The following RAB38 variants were observed in gnomAD, a reference collection of about 807,000 sequenced individuals.
RAB38 encodes the protein ras-related protein Rab-38.
A neutral mutation model predicts 18.4 loss-of-function variants in RAB38; 15 were observed. That is an observed-to-expected ratio of 0.82 (90% CI 0.55 to 1.26). The LOEUF is 1.26. Ranked by LOEUF, RAB38 falls within the 50% of genes most tolerant of loss-of-function variation. The probability of loss-of-function intolerance (pLI) is 0.00; values close to 1 mark genes in which losing one functional copy is unlikely to be tolerated. For synonymous variants in RAB38, 101 were observed against 104.4 expected (o/e 0.97, Z 0.20); for missense variants, 294 against 267.4 (o/e 1.10, Z -0.69).
chr11:88,031,817 C>A, the RAB38 span, among the ~76,000 whole-genome samples: 2 of 152,126 alleles, frequency 1.3e-5, no homozygotes, highest in Admixed American at 6.6e-5. Flanking sequence ...AGGTAATTTA[C>A]AGATTCAATA....
At position 88,156,499 on chromosome 11, in the gene RAB38, C is replaced by T. The variant is rs182980444; in HGVS notation, c.203-6544G>A. ...CAGGCGGATCATGAGGTCAGGAGTT[C>T]GAGACTAGCCTGGCCAACGTAATGA... is the stretch of plus-strand genomic sequence containing the variant. On this transcript the variant is annotated intron_variant, in intron 1 of 2. Transcript: ENST00000243662. 5.0e-3 allele frequency among the ~76,000 whole-genome samples: 765 copies of T among 152,186 alleles called. 3 individuals are homozygous for T. The highest frequency in any genetic ancestry group is 7.5e-3 in the Non-Finnish European group (507 of 67,996).
chr11:88,076,949 AC>A, the RAB38 span, among the ~76,000 whole-genome samples: 1 of 105,662 alleles, frequency 9.5e-6, no homozygotes, highest in Admixed American at 1.0e-4. Flanking sequence ...ACAGAGAGAG[AC>A]TCCATCAAAA....
intron 2 of RAB38, among the ~76,000 whole-genome samples, chr11:88,127,696 T>C (rs1942716943): frequency 6.6e-6 from 1 of 152,330 alleles, no homozygotes; most frequent in East Asian, 1.9e-4. Flanking sequence ...GATGATATAA[T>C]GCAAAGTTGG....
At chr11:87,812,978 T>C in the RAB38 span, among the ~76,000 whole-genome samples, 1 of 152,238 alleles carries the variant, frequency 6.6e-6, no homozygotes, top group South Asian at 2.1e-4. Context: ...GAATGAATAG[T>C]GTTATTTTAC....
At chr11:88,062,293 G>A in the RAB38 span, among the ~76,000 whole-genome samples, 4 of 152,064 alleles carry the variant, frequency 2.6e-5, no homozygotes, top group South Asian at 6.3e-4. Flanking sequence ...GTGTTTGACA[G>A]TTCCTCCTTC....
chr11:88,004,046 A>C, the RAB38 span, among the ~76,000 whole-genome samples: 1 of 141,404 alleles, frequency 7.1e-6, no homozygotes, highest in African/African-American at 2.6e-5. Context: ...TATATATGGG[A>C]GAAGGTATAT....
chr11:88,154,059 G>C (rs896340317), intron 1 of RAB38, among the ~76,000 whole-genome samples: 15 of 152,308 alleles, frequency 9.8e-5, no homozygotes, highest in African/African-American at 2.9e-4. Context: ...GAGAGGCAGA[G>C]AGCCTCCCTC....
the RAB38 span, among the ~76,000 whole-genome samples, chr11:87,898,326 C>T: frequency 2.7e-4 from 41 of 151,620 alleles, no homozygotes; most frequent in African/African-American, 9.4e-4. Context: ...CTGCACTCTA[C>T]TTTTTCCCTA....
chr11:88,090,714 G>C, the RAB38 span, among the ~76,000 whole-genome samples: 117 of 152,074 alleles, frequency 7.7e-4, 1 homozygote, highest in Non-Finnish European at 1.6e-4. Context: ...GGAAATGTCA[G>C]TGCCAAAAAC....
chr11:88,056,495 T>C, the RAB38 span, among the ~76,000 whole-genome samples: 3 of 151,968 alleles, frequency 2.0e-5, no homozygotes, highest in African/African-American at 7.3e-5. Flanking sequence ...ATTCAAAACG[T>C]TTATTGAGGA....
chr11:87,845,882 C>T, the RAB38 span, among the ~76,000 whole-genome samples: 1 of 151,956 alleles, frequency 6.6e-6, no homozygotes, highest in South Asian at 2.1e-4. Context: ...CTTTAAAGTA[C>T]CGAAAGTCAA....
the RAB38 span, among the ~76,000 whole-genome samples, chr11:87,915,686 G>A: frequency 1.3e-5 from 2 of 152,100 alleles, no homozygotes; most frequent in Non-Finnish European, 2.9e-5. Flanking sequence ...GCATGCTTAT[G>A]GAATAGCCAT....
At chr11:87,948,951 C>T in the RAB38 span, among the ~76,000 whole-genome samples, 3 of 151,854 alleles carry the variant, frequency 2.0e-5, no homozygotes, top group Non-Finnish European at 2.9e-5. Context: ...TTGGAATAGT[C>T]TCAGAAGGAA....
At chr11:88,088,637 A>G in the RAB38 span, among the ~76,000 whole-genome samples, 4 of 151,226 alleles carry the variant, frequency 2.6e-5, no homozygotes, top group Admixed American at 6.6e-5. Context: ...GGTGTGTCTG[A>G]CCCCTGGTTT....
the RAB38 span, among the ~76,000 whole-genome samples, chr11:87,892,306 TA>T: frequency 6.6e-6 from 1 of 151,870 alleles, no homozygotes; most frequent in Non-Finnish European, 1.5e-5. Flanking sequence ...CACATCTAAC[TA>T]ATTACTGAGT....
intron 2 of RAB38, 131 bp from the exon 3 acceptor site, chr11:88,114,271 C>T (rs954983401): frequency 3.0e-5 from 28 of 942,268 alleles, no homozygotes; most frequent in African/African-American, 4.9e-5. Flanking sequence ...CTCCTGTTTC[C>T]CTCACTCTTA....
the RAB38 span, among the ~76,000 whole-genome samples, chr11:87,959,369 C>G: frequency 1.3e-5 from 2 of 152,082 alleles, no homozygotes; most frequent in African/African-American, 4.8e-5. Context: ...CATTGAATCT[C>G]AAAGAAGAAA....
At chr11:87,963,011 A>C in the RAB38 span, among the ~76,000 whole-genome samples, 1 of 152,164 alleles carries the variant, frequency 6.6e-6, no homozygotes, top group Non-Finnish European at 1.5e-5. Context: ...TAAAGATGAG[A>C]CTATTGATAT....
chr11:88,172,936 CT>C (rs1943327472), intron 1 of RAB38, among the ~76,000 whole-genome samples: 1 of 152,222 alleles, frequency 6.6e-6, no homozygotes, highest in Non-Finnish European at 1.5e-5. Context: ...GAAAAACAAG[CT>C]CCTCTACTGA....
Sources: allele counts gnomAD v4.1 joint callset (sites outside exome capture counted in the v4.1 genomes callset), GRCh38; gene constraint gnomAD v4.1.1; transcripts MANE v1.5; gene names NCBI Gene and HGNC (gene_info 2026-07-23, HGNC 2026-07-21).